PHKB: variants seen among roughly 807,000 people sequenced by gnomAD.
PHKB encodes phosphorylase kinase regulatory subunit beta.
Under a neutral mutation model 152.1 loss-of-function variants are expected in PHKB, and 122 were observed. That is an observed-to-expected ratio of 0.80 (90% confidence interval 0.69 to 0.93). The LOEUF is 0.93. Among genes scored for constraint, PHKB ranks in the 40% least tolerant of loss-of-function variants. The pLI is 0.00. For missense variants in PHKB, 1,304 were observed against 1,328.4 expected (o/e 0.98, Z 0.29); for synonymous variants, 436 against 464.9 (o/e 0.94, Z 0.80).
At chr16:47,613,205 T>C (rs1972458584) in intron 14 of PHKB, among the ~76,000 whole-genome samples, 2 of 152,190 alleles carry the variant, frequency 1.3e-5, no homozygotes, top group African/African-American at 4.8e-5. Flanking sequence ...GACTTAGGGT[T>C]GATTACTGTG....
At chr16:47,584,713 TCTC>T (rs1971906481) in intron 8 of PHKB, among the ~76,000 whole-genome samples, 1 of 152,070 alleles carries the variant, frequency 6.6e-6, no homozygotes, top group African/African-American at 2.4e-5. Flanking sequence ...GGGGAGAAAA[TCTC>T]CTGACCATAG....
At chr16:47,625,286 A>G (rs1054296022) in intron 14 of PHKB, among the ~76,000 whole-genome samples, 1 of 152,238 alleles carries the variant, frequency 6.6e-6, no homozygotes, top group Non-Finnish European at 1.5e-5. Context: ...CCATATAAGT[A>G]CCATATATGT....
chr16:47,538,881 CCTT>C, intron 6 of PHKB, among the ~76,000 whole-genome samples: 1 of 152,216 alleles, frequency 6.6e-6, no homozygotes. Context: ...GTTATTGTTT[CCTT>C]CTTAAAAGTA....
At chr16:47,604,292 A>T (rs988408473) in intron 13 of PHKB, among the ~76,000 whole-genome samples, 1 of 152,154 alleles carries the variant, frequency 6.6e-6, no homozygotes, top group African/African-American at 2.4e-5. Context: ...TGCTTTTGCT[A>T]TATTTTCATG....
At chr16:47,636,821 G>A (rs1972929244) in intron 14 of PHKB, among the ~76,000 whole-genome samples, 1 of 152,140 alleles carries the variant, frequency 6.6e-6, no homozygotes, top group Admixed American at 6.5e-5. Flanking sequence ...CTCCTGGGCG[G>A]GTCCCTGGTG....
intron 7 of PHKB, chr16:47,566,849 G>A: frequency 1.4e-6 from 1 of 714,920 alleles, no homozygotes; most frequent in Non-Finnish European, 2.6e-6. Context: ...AGTCTGTTAG[G>A]GAGAGAGTCT....
chr16:47,552,194 G>C (rs1464056456), intron 7 of PHKB, among the ~76,000 whole-genome samples: 4 of 152,014 alleles, frequency 2.6e-5, no homozygotes, highest in Non-Finnish European at 5.9e-5. Flanking sequence ...TTTTTAACTG[G>C]GGCATTTAGC....
At chr16:47,600,710 C>T (rs182598056) in intron 13 of PHKB, among the ~76,000 whole-genome samples, 11 of 152,272 alleles carry the variant, frequency 7.2e-5, no homozygotes, top group Admixed American at 3.3e-4. Flanking sequence ...ACAATTGTAA[C>T]ACAATGGTAA....
At chr16:47,591,580 C>A (rs1057344495) in intron 10 of PHKB, among the ~76,000 whole-genome samples, 4 of 152,128 alleles carry the variant, frequency 2.6e-5, no homozygotes, top group African/African-American at 9.7e-5. Flanking sequence ...CTTCTGCCCC[C>A]TCTTAAACCT....
chr16:47,496,195 A>G (rs773648289), intron 1 of PHKB, among the ~76,000 whole-genome samples: 1 of 151,848 alleles, frequency 6.6e-6, no homozygotes, highest in Non-Finnish European at 1.5e-5. Context: ...TATGGTATAC[A>G]TTACCTGAAT....
chr16:47,545,839 T>C (rs1169741834), intron 6 of PHKB, among the ~76,000 whole-genome samples: 2 of 152,218 alleles, frequency 1.3e-5, no homozygotes, highest in Admixed American at 1.3e-4. Context: ...TTTCATTCAT[T>C]TGATCTTCAA....
At chr16:47,650,747 T>C (rs1024724036) in intron 19 of PHKB, 84 bp from the exon 20 acceptor site, 3 of 1,258,306 alleles carry the variant, frequency 2.4e-6, no homozygotes, top group Admixed American at 1.7e-5. Flanking sequence ...GAATACTTTG[T>C]ATATATAAGG....
At chr16:47,578,493 A>T (rs1409170649) in intron 7 of PHKB, among the ~76,000 whole-genome samples, 1 of 152,166 alleles carries the variant, frequency 6.6e-6, no homozygotes, top group African/African-American at 2.4e-5. Context: ...GGGTGAGGGC[A>T]CATCACCTCA....
intron 17 of PHKB, 29 bp downstream of exon 17, chr16:47,648,645 T>C: frequency 6.8e-7 from 1 of 1,476,552 alleles, no homozygotes; most frequent in Non-Finnish European, 9.5e-7. Context: ...CAAAAAGTAG[T>C]TTTTGGATTC....
chr16:47,536,350 C>G (rs1464518650), intron 6 of PHKB, among the ~76,000 whole-genome samples: 1 of 152,136 alleles, frequency 6.6e-6, no homozygotes, highest in Non-Finnish European at 1.5e-5. Context: ...CGCACCCGGC[C>G]GATCTTTATT....
intron 6 of PHKB, among the ~76,000 whole-genome samples, chr16:47,545,347 TA>T (rs1258029388): frequency 6.6e-6 from 1 of 152,192 alleles, no homozygotes; most frequent in Admixed American, 6.5e-5. Context: ...CTCCTTCACT[TA>T]TGAAGCTTAG....
intron 13 of PHKB, among the ~76,000 whole-genome samples, chr16:47,606,135 C>T (rs965055146): frequency 1.3e-5 from 2 of 152,212 alleles, no homozygotes; most frequent in African/African-American, 4.8e-5. Context: ...TACTCTTCCT[C>T]CTTCTTGTTA....
chr16:47,541,982 C>A (rs947995262), intron 6 of PHKB, among the ~76,000 whole-genome samples: 3 of 152,222 alleles, frequency 2.0e-5, no homozygotes, highest in East Asian at 3.9e-4. Context: ...TTTTGCTGTG[C>A]AGAAGCTCTT....
At chr16:47,497,118 T>G (rs1970244972) in intron 1 of PHKB, among the ~76,000 whole-genome samples, 1 of 152,150 alleles carries the variant, frequency 6.6e-6, no homozygotes. Context: ...TAGTGACACT[T>G]AGTTGTTTGG....
Sources: allele counts gnomAD v4.1 joint callset (sites outside exome capture counted in the v4.1 genomes callset), GRCh38; gene constraint gnomAD v4.1.1; transcripts MANE v1.5; gene names NCBI Gene and HGNC (gene_info 2026-07-23, HGNC 2026-07-21).